The following CATSPERB variants were observed in gnomAD, a reference collection of about 807,000 sequenced individuals.
CATSPERB encodes the protein cation channel sperm-associated auxiliary subunit beta.
In CATSPERB, 93 loss-of-function variants were observed where a neutral mutation model predicts 128.3. The ratio of observed to expected loss-of-function variants is 0.72; its 90% CI spans 0.61 to 0.86. The LOEUF (loss-of-function observed/expected upper bound fraction) is 0.86. CATSPERB is among the 40% of genes least tolerant of loss of function. The pLI is 0.00. For missense variants in CATSPERB, 1,153 were observed against 1,329.5 expected, an observed-to-expected ratio of 0.87 and a Z score of 2.06; for synonymous variants, 381 against 448.8, an observed-to-expected ratio of 0.85 and a Z score of 1.91.
intron 22 of CATSPERB, among the ~76,000 whole-genome samples, chr14:91,598,640 C>T (rs2139766239): frequency 6.6e-6 from 1 of 152,180 alleles, no homozygotes; most frequent in South Asian, 2.1e-4. Flanking sequence ...AGGTGGATCA[C>T]AAGGTCAGGA....
chr14:91,684,734 C>T (rs1474280659), intron 10 of CATSPERB, among the ~76,000 whole-genome samples: 1 of 151,790 alleles, frequency 6.6e-6, no homozygotes, highest in African/African-American at 2.4e-5. Context: ...CCTGCCTCAG[C>T]CTCCTGAGTA....
chr14:91,617,787 C>A, intron 19 of CATSPERB, 51 bp from the exon 20 acceptor site: 1 of 1,267,042 alleles, frequency 7.9e-7, no homozygotes, highest in South Asian at 1.4e-5. Flanking sequence ...ACTGTAAACT[C>A]AATTGAATAA....
intron 2 of CATSPERB, 100 bp downstream of exon 2, chr14:91,729,301 G>A: frequency 4.0e-6 from 2 of 502,458 alleles, no homozygotes; most frequent in East Asian, 3.3e-5. Context: ...ATAAGATAAA[G>A]AAGAAATACT....
chr14:91,653,972 T>C (rs560896591), intron 15 of CATSPERB, among the ~76,000 whole-genome samples: 6 of 152,138 alleles, frequency 3.9e-5, no homozygotes, highest in Non-Finnish European at 4.4e-5. Flanking sequence ...TCACCTACAC[T>C]ATGTTAGAGC....
At chr14:91,654,777 G>A (rs1293116227) in intron 15 of CATSPERB, among the ~76,000 whole-genome samples, 3 of 152,166 alleles carry the variant, frequency 2.0e-5, no homozygotes, top group Admixed American at 2.0e-4. Context: ...GCCAGGCAGT[G>A]GAAACTGTGG....
chr14:91,684,605 C>CTTTTTTT (rs1160778932), intron 10 of CATSPERB, among the ~76,000 whole-genome samples: 2 of 112,340 alleles, frequency 1.8e-5, no homozygotes. Flanking sequence ...GGAGACACTT[C>CTTTTTTT]TTTTTTTTTT....
intron 15 of CATSPERB, among the ~76,000 whole-genome samples, chr14:91,649,662 A>T (rs938064507): frequency 5.3e-5 from 8 of 150,016 alleles, no homozygotes; most frequent in East Asian, 1.9e-4. Flanking sequence ...ATGCACATTT[A>T]AAAAAATTCC....
intron 23 of CATSPERB, among the ~76,000 whole-genome samples, chr14:91,591,396 A>G (rs1893398686): frequency 6.6e-6 from 1 of 152,044 alleles, no homozygotes; most frequent in Non-Finnish European, 1.5e-5. Context: ...TTTTGATACT[A>G]ACAGAATAAA....
At chr14:91,695,881 G>A (rs1895554529) in intron 7 of CATSPERB, among the ~76,000 whole-genome samples, 3 of 152,202 alleles carry the variant, frequency 2.0e-5, no homozygotes, top group Non-Finnish European at 4.4e-5. Context: ...GGACCCTGGA[G>A]ACAGCACAAT....
chr14:91,657,357 C>T (rs1351763534), intron 15 of CATSPERB, among the ~76,000 whole-genome samples: 1 of 151,166 alleles, frequency 6.6e-6, no homozygotes, highest in East Asian at 1.9e-4. Context: ...ACACAAAAAT[C>T]AAAACAAAAT....
Position 91,683,990 on chromosome 14 carries a change from A to C in CATSPERB, c.865-47T>G, listed in dbSNP as rs755309881. ...CACTTAGCCAATATGTAGACTTAAG[A>C]TATCTTAAGATATAAGATAGAAAAA... On this transcript the variant is annotated intron_variant, in intron 10 of 26. Transcript: ENST00000256343. The C allele has an allele frequency of 3.0e-6, 4 of 1,320,480 alleles. No homozygotes were observed. In the African/African-American group the frequency reaches 6.0e-5, roughly 20 times the overall value. 81.8% of individuals were successfully genotyped at this position (1,320,480 alleles called of 1,614,324 possible).
Position 91,687,641 on chromosome 14 carries a change from C to T in CATSPERB, c.865-3698G>A, listed in dbSNP as rs551292089. On this transcript the variant is annotated intron_variant, in intron 10 of 26. Transcript: ENST00000256343. ...ATTTTGTTATAGCAGCCCACATTGG[C>T]TAAGATGTCTCTGTTCAAAAATCCT... is the stretch of plus-strand genomic sequence containing the variant. Among the ~76,000 whole-genome samples, 14 of 152,208 alleles carry T rather than the reference C, an allele frequency of 9.2e-5. 1 individual carries two copies. In the East Asian group the frequency reaches 2.7e-3, roughly 29 times the overall value.
At chr14:91,625,970 C>T (rs1894152759) in intron 17 of CATSPERB, among the ~76,000 whole-genome samples, 1 of 151,976 alleles carries the variant, frequency 6.6e-6, no homozygotes, top group Non-Finnish European at 1.5e-5. Context: ...ACTAAAAATA[C>T]AAAAATTAAC....
chr14:91,697,454 C>T (rs761607353), intron 7 of CATSPERB, among the ~76,000 whole-genome samples: 1 of 152,098 alleles, frequency 6.6e-6, no homozygotes, highest in Non-Finnish European at 1.5e-5. Flanking sequence ...ACAGAGTGTA[C>T]GATGCAGATA....
At chr14:91,585,670 G>A (rs112811237) in intron 26 of CATSPERB, among the ~76,000 whole-genome samples, 141 of 152,268 alleles carry the variant, frequency 9.3e-4, no homozygotes, top group African/African-American at 3.3e-3. Flanking sequence ...TTTGATAATT[G>A]CATTTGTGGT....
chr14:91,593,661 G>C (rs1229846429), intron 22 of CATSPERB, among the ~76,000 whole-genome samples: 1 of 152,188 alleles, frequency 6.6e-6, no homozygotes, highest in Non-Finnish European at 1.5e-5. Flanking sequence ...AGGTGGAAGG[G>C]ACTTGCCTTG....
At chr14:91,724,255 C>T (rs1366685648) in intron 3 of CATSPERB, among the ~76,000 whole-genome samples, 4 of 152,102 alleles carry the variant, frequency 2.6e-5, no homozygotes, top group African/African-American at 7.2e-5. Flanking sequence ...TGCCCCAGGA[C>T]ACACAGACCA....
intron 11 of CATSPERB, among the ~76,000 whole-genome samples, chr14:91,683,489 A>T (rs2139839478): frequency 6.6e-6 from 1 of 152,100 alleles, no homozygotes; most frequent in Middle Eastern, 3.4e-3. Flanking sequence ...TTCCCACCCG[A>T]CACTCCCTTG....
rs146758171 is a variant in CATSPERB, at chr14:91,617,731, G to A, written c.2266C>T (p.Arg756Ter). Residue 756 changes from arginine (R) to a stop codon, truncating the protein, a stop_gained, in exon 20 of 27, where the codon CGA (arginine) becomes TGA (stop). Transcript: ENST00000256343. LOFTEE classifies it high-confidence loss of function. Reference protein sequence around the residue: ...AKVIRNAKGFRMLEIPLLTVF... With the variant: ...AKVIRNAKGF ...GTCAGTAGTGGTATTTCAAGCATTC[G>A]AAAACCTATGGAAACAAGGTTAACA... 2.9e-5 allele frequency: 46 copies of A among 1,592,732 alleles called. No homozygotes were observed. Among genetic ancestry groups the A allele is most frequent in the East Asian group, 4.6e-5 (2 of 43,938 alleles).
Sources: allele counts gnomAD v4.1 joint callset (sites outside exome capture counted in the v4.1 genomes callset), GRCh38; gene constraint gnomAD v4.1.1; transcripts MANE v1.5; gene names NCBI Gene and HGNC (gene_info 2026-07-23, HGNC 2026-07-21).